ARAP1: variants seen among roughly 807,000 people sequenced by gnomAD.
The protein encoded by ARAP1 is ArfGAP with RhoGAP domain, ankyrin repeat and PH domain 1, also known as arf-GAP with Rho-GAP domain, ANK repeat and PH domain-containing protein 1.
Under a neutral mutation model 172.2 loss-of-function variants are expected in ARAP1, and 76 were observed. The observed-to-expected ratio is 0.44, with a 90% CI of 0.37 to 0.53. The LOEUF (loss-of-function observed/expected upper bound fraction) is 0.53, where lower values mean the gene tolerates loss of function less well. Ranked by LOEUF, ARAP1 falls within the 20% of genes least tolerant of loss-of-function variation. The probability of loss-of-function intolerance (pLI) is 0.00; values close to 1 mark genes in which losing one functional copy is unlikely to be tolerated. For synonymous variants in ARAP1, 804 were observed against 803.3 expected (o/e 1.00, Z -0.01); for missense variants, 1,686 against 1,977.5 (o/e 0.85, Z 2.80).
rs1304882210 is a variant in ARAP1 at position 72,710,627 on chromosome 11, G to A, written c.1214-40C>T. ...TAGAGGAGTAAGCCCAAGGTTGCAGGGAGCCCCTCAGGGGTCTCCTGGCCC... is the reference window on the plus strand; with the variant it reads ...TAGAGGAGTAAGCCCAAGGTTGCAGAGAGCCCCTCAGGGGTCTCCTGGCCC... On this transcript the variant is annotated intron_variant, in intron 9 of 34. Coordinates refer to ENST00000393609, the MANE Select transcript of ARAP1 (RefSeq NM_001040118.3). This position sits in a 1 kb window ranked among gnomAD's most constrained non-coding sequence, Gnocchi z 4.3. The A allele has an allele frequency of 1.9e-6, 3 of 1,560,522 alleles. No homozygotes were observed. Among genetic ancestry groups the A allele is most frequent in the African/African-American group, 2.7e-5 (2 of 74,128 alleles).
chr11:72,692,139 C>T (rs1389060144), intron 30 of ARAP1, among the ~76,000 whole-genome samples: 1 of 152,134 alleles, frequency 6.6e-6, no homozygotes, highest in Non-Finnish European at 1.5e-5. Context: ...CCCATGGGGG[C>T]ATCATGAGAT....
chr11:72,707,062 A>G, intron 12 of ARAP1, 113 bp downstream of exon 12: 2 of 1,146,082 alleles, frequency 1.7e-6, no homozygotes, highest in Non-Finnish European at 2.4e-6. Flanking sequence ...CATCAACAGC[A>G]GCTCTCTGAG....
intron 3 of ARAP1, among the ~76,000 whole-genome samples, chr11:72,722,812 C>G (rs1857569589): frequency 6.6e-6 from 1 of 152,188 alleles, no homozygotes; most frequent in African/African-American, 2.4e-5. Context: ...TGGAACCTCA[C>G]ATCAGAAACG....
Position 72,710,900 on chromosome 11 carries a change from G to A in ARAP1, c.1213+121C>T. 1.3e-6 allele frequency: 2 copies of A among 1,546,328 alleles called. No individual in the cohort carries two copies. The highest frequency in any genetic ancestry group is 1.8e-6 in the Non-Finnish European group (2 of 1,139,446). On this transcript the variant is annotated intron_variant, in intron 9 of 34. Coordinates refer to ENST00000393609, the MANE Select transcript of ARAP1 (RefSeq NM_001040118.3). The surrounding 1 kb of genome is among the most constrained non-coding windows in gnomAD (Gnocchi z 4.3). ...TCTGCCCACCTCACAAAGGCAGCAT[G>A]CCTCCCCGGATGTGATGTGAGAGGG...
Position 72,693,255 on chromosome 11 carries a change from A to G in ARAP1, c.3954+70T>C. On this transcript the variant is annotated intron_variant, in intron 29 of 34. Transcript: ENST00000393609. The surrounding 1 kb of genome is among the most constrained non-coding windows in gnomAD (Gnocchi z 4.6). ...CGGGAATATTTCCACTTGCAGACCA[A>G]GGGGAATCTCTGAGCACATTCAGGT... The G allele has an allele frequency of 6.4e-7, 1 of 1,566,502 alleles. No homozygotes were observed. Among genetic ancestry groups the G allele is most frequent in the Non-Finnish European group, 8.7e-7 (1 of 1,151,376 alleles).
At position 72,698,081 on chromosome 11, in the gene ARAP1, T is replaced by A; in HGVS notation, c.2567A>T (p.Asp856Val). 1.2e-6 allele frequency: 2 copies of A among 1,603,832 alleles called. No individual in the cohort carries two copies. Among genetic ancestry groups the A allele is most frequent in the Non-Finnish European group, 1.7e-6 (2 of 1,175,970 alleles). ...CCGCTCAAAATCCCGGGCCAGCAGA[T>A]CCTCGGCTAGGGGAGGCACGAATGC... The part of the protein sequence containing the change: ...AKAFVPPLAE[D>V]LLARDFERLG... The change falls in exon 19 of 35, where the codon GAT becomes GTT. Residue 856 changes from aspartate to valine, a missense_variant. Asp to Val is a radical substitution (Grantham distance 152, BLOSUM62 -3). Around this residue, in one of 5 missense-constraint regions of ARAP1, gnomAD observed 688 missense variants for 856.9 expected, o/e 0.80. Coordinates refer to ENST00000393609, the MANE Select transcript of ARAP1 (RefSeq NM_001040118.3).
At chr11:72,730,695 G>A (rs185388170) in intron 2 of ARAP1, among the ~76,000 whole-genome samples, 3 of 152,172 alleles carry the variant, frequency 2.0e-5, no homozygotes, top group Admixed American at 6.5e-5. Flanking sequence ...TTGTCCTCCC[G>A]CCTCCCCCAA....
At chr11:72,721,493 C>T (rs1857509234) in intron 3 of ARAP1, among the ~76,000 whole-genome samples, 1 of 152,094 alleles carries the variant, frequency 6.6e-6, no homozygotes, top group Non-Finnish European at 1.5e-5. Context: ...AGCACCAGGC[C>T]CCCAAGGGGC....
In ARAP1 at chr11:72,699,609, C is replaced by A. The variant is rs1177919006; in HGVS notation, c.2303-57G>T. On this transcript the variant is annotated intron_variant, in intron 16 of 34. Transcript: ENST00000393609. The surrounding 1 kb of genome is among the most constrained non-coding windows in gnomAD (Gnocchi z 4.2). ...GGAGCCCCCCACCACCTGAAAACCACCTCTGCATCCTCCCGGGGCTCCTGC... is the reference window on the plus strand; with the variant it reads ...GGAGCCCCCCACCACCTGAAAACCAACTCTGCATCCTCCCGGGGCTCCTGC... 2.6e-6 allele frequency: 4 copies of A among 1,567,378 alleles called. No individual in the cohort carries two copies. Among genetic ancestry groups the A allele is most frequent in the Non-Finnish European group, 3.5e-6 (4 of 1,156,882 alleles).
intron 11 of ARAP1, among the ~76,000 whole-genome samples, chr11:72,709,476 G>A (rs1170628065): frequency 6.6e-6 from 1 of 152,182 alleles, no homozygotes; most frequent in Non-Finnish European, 1.5e-5. Context: ...GCTGAGGTCA[G>A]AGGAAACCAA....
chr11:72,734,751 T>C (rs1293652661), intron 1 of ARAP1, among the ~76,000 whole-genome samples: 1 of 151,244 alleles, frequency 6.6e-6, no homozygotes, highest in Non-Finnish European at 1.5e-5. Context: ...CAGCCAGCAG[T>C]AGCCACACGT....
At chr11:72,736,354 C>T (rs535887757) in intron 1 of ARAP1, among the ~76,000 whole-genome samples, 8 of 151,582 alleles carry the variant, frequency 5.3e-5, no homozygotes, top group African/African-American at 1.7e-4. Context: ...GTGATCCTCC[C>T]ACCTCCCCCT....
At chr11:72,701,842 C>T in intron 15 of ARAP1, 59 bp from the exon 16 acceptor site, 1 of 1,588,740 alleles carries the variant, frequency 6.3e-7, no homozygotes, top group Non-Finnish European at 8.6e-7. Flanking sequence ...GTGTCCCCAC[C>T]TCACTCCCAC....
At chr11:72,738,793 C>T (rs534247554) in intron 1 of ARAP1, among the ~76,000 whole-genome samples, 3 of 152,260 alleles carry the variant, frequency 2.0e-5, no homozygotes, top group South Asian at 4.1e-4. Flanking sequence ...CACACATCTC[C>T]CAGGGCCACA....
chr11:72,713,682 C>T (rs1251931235), intron 4 of ARAP1, among the ~76,000 whole-genome samples: 1 of 151,898 alleles, frequency 6.6e-6, no homozygotes, highest in African/African-American at 2.4e-5. Flanking sequence ...CCCGTCTCTA[C>T]TAAAAATACA....
intron 12 of ARAP1, 150 bp from the exon 13 acceptor site, chr11:72,706,040 G>A (rs1036137572): frequency 2.8e-5 from 19 of 685,550 alleles, no homozygotes; most frequent in Admixed American, 1.9e-4. Context: ...GAATCCAGCC[G>A]TGTACTCTTG....
At chr11:72,744,029 C>T (rs1233830670) in intron 1 of ARAP1, among the ~76,000 whole-genome samples, 1 of 152,150 alleles carries the variant, frequency 6.6e-6, no homozygotes, top group Non-Finnish European at 1.5e-5. Context: ...CTTTGCTTAC[C>T]CGGTTCCCTT....
chr11:72,740,223 G>A (rs1012497691), intron 1 of ARAP1, among the ~76,000 whole-genome samples: 4 of 152,096 alleles, frequency 2.6e-5, no homozygotes, highest in African/African-American at 9.7e-5. Context: ...ACACACAGTG[G>A]ACCTGGTGGG....
chr11:72,687,708 C>T lies in ARAP1; in HGVS notation c.4101G>A (p.Glu1367=), dbSNP rs1348725603. The T allele has an allele frequency of 1.2e-6, 2 of 1,614,206 alleles. No homozygotes were observed. Among genetic ancestry groups the T allele is most frequent in the Non-Finnish European group, 1.7e-6 (2 of 1,180,036 alleles). The part of the protein sequence containing the change: ...CWGFTVVHET[E]KHEKQQWYLC... ...CTCACCACTGCTGCTTCTCATGTTT[C>T]TCTGTCTCATGCACCACTGTGAAGC... Residue 1367 remains glutamate, a synonymous_variant, in exon 32 of 35, where the codon GAG becomes GAA. Coordinates refer to ENST00000393609, the MANE Select transcript of ARAP1 (RefSeq NM_001040118.3).
Sources: gnomAD v4.1 joint callset for allele counts (sites outside exome capture counted in the v4.1 genomes callset) on GRCh38, gnomAD v4.1.1 for gene constraint, gnomAD v4.1.1 regional missense constraint, Gnocchi (gnomAD v3.1) non-coding constraint, MANE v1.5 for transcripts, NCBI Gene and HGNC (gene_info 2026-07-23, HGNC 2026-07-21) for gene names.